The following ADCY5 variants were observed in gnomAD, a reference collection of about 807,000 sequenced individuals.
ADCY5 encodes the protein adenylate cyclase 5.
Under a neutral mutation model 119.7 loss-of-function variants are expected in ADCY5, and 30 were observed. The ratio of observed to expected loss-of-function variants is 0.25; its 90% CI spans 0.19 to 0.34. The LOEUF is 0.34. Ranked by LOEUF, ADCY5 falls within the 10% of genes least tolerant of loss-of-function variation. The probability of loss-of-function intolerance (pLI) is 1.00; values close to 1 mark genes in which losing one functional copy is unlikely to be tolerated. For synonymous variants in ADCY5, 753 were observed against 762.2 expected, an observed-to-expected ratio of 0.99 and a Z score of 0.20; for missense variants, 1,324 against 1,775.2, an observed-to-expected ratio of 0.75 and a Z score of 4.57.
At chr3:123,416,250 CTCTT>C in intron 1 of ADCY5, 3 of 1,536,148 alleles carry the variant, frequency 2.0e-6, no homozygotes, top group Non-Finnish European at 2.6e-6. Context: ...TGCAACAGCC[CTCTT>C]TCTGAGACTT....
intron 1 of ADCY5, among the ~76,000 whole-genome samples, chr3:123,376,725 G>T (rs1943849265): frequency 6.6e-6 from 1 of 152,200 alleles, no homozygotes; most frequent in Non-Finnish European, 1.5e-5. Context: ...GAACTGGCCA[G>T]AAGGAGGATG....
intron 1 of ADCY5, among the ~76,000 whole-genome samples, chr3:123,412,973 C>T (rs1434999293): frequency 6.6e-6 from 1 of 152,226 alleles, no homozygotes; most frequent in Admixed American, 6.5e-5. Flanking sequence ...CACAGGCCAG[C>T]CTGCACTGTC....
intron 1 of ADCY5, among the ~76,000 whole-genome samples, chr3:123,441,537 C>T (rs1234024981): frequency 6.6e-6 from 1 of 152,200 alleles, no homozygotes; most frequent in African/African-American, 2.4e-5. Flanking sequence ...TACTTCCACC[C>T]ATCTGCCACA....
chr3:123,376,585 C>A (rs542274252), intron 1 of ADCY5, among the ~76,000 whole-genome samples: 181 of 152,258 alleles, frequency 1.2e-3, no homozygotes, highest in African/African-American at 4.1e-3. Flanking sequence ...GAGTGGAAAT[C>A]ACCGCCAGCC....
At chr3:123,382,071 C>T (rs572423832) in intron 1 of ADCY5, among the ~76,000 whole-genome samples, 67 of 152,318 alleles carry the variant, frequency 4.4e-4, no homozygotes, top group South Asian at 1.4e-3. Context: ...CCATACTGGC[C>T]TTCTTGTTCT....
At chr3:123,325,275 C>G in intron 8 of ADCY5, 47 bp downstream of exon 8, 1 of 1,607,978 alleles carries the variant, frequency 6.2e-7, no homozygotes, top group Non-Finnish European at 8.5e-7. Context: ...ACAGAAGGCC[C>G]TAGCCTTGGA....
At chr3:123,377,929 CAAAAAAAA>C (rs10662985) in intron 1 of ADCY5, among the ~76,000 whole-genome samples, 1 of 84,560 alleles carries the variant, frequency 1.2e-5, no homozygotes, top group African/African-American at 5.1e-5. Context: ...GACTCCATCT[CAAAAAAAA>C]AAAAAAAAAA....
chr3:123,288,633 T>C (rs1938938994), intron 19 of ADCY5, among the ~76,000 whole-genome samples: 1 of 152,188 alleles, frequency 6.6e-6, no homozygotes, highest in African/African-American at 2.4e-5. Flanking sequence ...ATGGACACAG[T>C]AGGGTGGAAC....
Position 123,448,278 on chromosome 3 carries a change from C to T in ADCY5, c.268G>A (p.Ala90Thr), listed in dbSNP as rs773265276. ...DPPLSGDDPL[A>T]GGFGFSFRSK... ...CGGAAGCTGAAGCCGAAGCCCCCGG[C>T]CAGGGGGTCGTCACCGCTCAGCGGA... Residue 90 changes from alanine to threonine, a missense_variant, in exon 1 of 21, where the codon GCC becomes ACC. Ala to Thr is a moderately conservative substitution (Grantham distance 58). Around this residue, in one of 6 missense-constraint regions of ADCY5, gnomAD observed 585 missense variants for 569.9 expected, o/e 1.03. Coordinates refer to ENST00000462833, the MANE Select transcript of ADCY5 (RefSeq NM_183357.3). 10 of 1,525,116 alleles carry T rather than the reference C, an allele frequency of 6.6e-6. No individual in the cohort carries two copies. In the South Asian group the frequency reaches 1.1e-4, roughly 16 times the overall value. The allele number at this position is 1,525,116 out of a possible 1,614,324, so 94.5% of individuals were successfully genotyped here.
At chr3:123,319,952 G>C (rs538478695) in intron 9 of ADCY5, 134 bp from the exon 10 acceptor site, 2 of 1,265,454 alleles carry the variant, frequency 1.6e-6, no homozygotes, top group Non-Finnish European at 2.2e-6. Flanking sequence ...TCAGGGCAGC[G>C]GGAGCTGAGA....
chr3:123,345,860 C>T (rs1036307174), intron 3 of ADCY5, among the ~76,000 whole-genome samples: 2 of 152,094 alleles, frequency 1.3e-5, no homozygotes, highest in African/African-American at 4.8e-5. Flanking sequence ...CTCCCCAGAC[C>T]TCCTTCCCAG....
intron 17 of ADCY5, among the ~76,000 whole-genome samples, chr3:123,293,252 T>C (rs1030126098): frequency 1.1e-4 from 17 of 152,128 alleles, no homozygotes; most frequent in African/African-American, 3.9e-4. Flanking sequence ...CAGAGTGTGT[T>C]CCTTGTGCAG....
chr3:123,417,358 G>A (rs916908730), intron 1 of ADCY5, among the ~76,000 whole-genome samples: 3 of 152,218 alleles, frequency 2.0e-5, no homozygotes, highest in Admixed American at 6.5e-5. Context: ...GCTCCCTAAT[G>A]GGGCAGTGAG....
chr3:123,396,824 G>GAGAGAGAC (rs1944607339), intron 1 of ADCY5, among the ~76,000 whole-genome samples: 2 of 148,238 alleles, frequency 1.3e-5, no homozygotes, highest in African/African-American at 5.1e-5. Flanking sequence ...GCAGGCGAGA[G>GAGAGAGAC]AGAGAGAGAG....
At chr3:123,333,954 A>G (rs1335240434) in intron 3 of ADCY5, among the ~76,000 whole-genome samples, 1 of 151,968 alleles carries the variant, frequency 6.6e-6, no homozygotes, top group East Asian at 1.9e-4. Context: ...GGAAGCCCCC[A>G]ATTCCTCCTT....
chr3:123,421,433 G>C (rs897961472), intron 1 of ADCY5, among the ~76,000 whole-genome samples: 1 of 152,184 alleles, frequency 6.6e-6, no homozygotes, highest in Non-Finnish European at 1.5e-5. Flanking sequence ...CAATAATCAC[G>C]TCATACTGTT....
intron 19 of ADCY5, among the ~76,000 whole-genome samples, chr3:123,288,330 G>T (rs1938917203): frequency 1.3e-5 from 2 of 152,220 alleles, no homozygotes; most frequent in Non-Finnish European, 2.9e-5. Context: ...GATGATAATT[G>T]TAATTTTTAA....
intron 15 of ADCY5, 103 bp from the exon 16 acceptor site, chr3:123,297,485 GCTGC>G: frequency 7.7e-7 from 1 of 1,299,602 alleles, no homozygotes; most frequent in Non-Finnish European, 1.1e-6. Context: ...CCCCACCACT[GCTGC>G]TCCTTGGCTC....
intron 12 of ADCY5, among the ~76,000 whole-genome samples, chr3:123,308,192 C>T (rs1940314967): frequency 6.6e-6 from 1 of 151,854 alleles, no homozygotes; most frequent in Non-Finnish European, 1.5e-5. Flanking sequence ...CACCACCACG[C>T]CCGGCTAATT....
Sources: gnomAD v4.1 joint callset for allele counts (sites outside exome capture counted in the v4.1 genomes callset) on GRCh38, gnomAD v4.1.1 for gene constraint, gnomAD v4.1.1 regional missense constraint, MANE v1.5 for transcripts, NCBI Gene and HGNC (gene_info 2026-07-23, HGNC 2026-07-21) for gene names.